The following ADAMTS17 variants were observed in gnomAD, a reference collection of about 807,000 sequenced individuals.
ADAMTS17 encodes ADAM metallopeptidase with thrombospondin type 1 motif 17.
A neutral mutation model predicts 141.5 loss-of-function variants in ADAMTS17; 113 were observed. The ratio of observed to expected loss-of-function variants is 0.80; its 90% confidence interval spans 0.69 to 0.93. ADAMTS17 has a LOEUF of 0.93. Ranked by LOEUF, ADAMTS17 falls within the 40% of genes least tolerant of loss-of-function variation. The pLI, the probability that ADAMTS17 is intolerant of heterozygous loss-of-function variation, is 0.00. For synonymous variants in ADAMTS17, 768 were observed against 630.6 expected (o/e 1.22, Z -3.27); for missense variants, 1,659 against 1,517.9 (o/e 1.09, Z -1.54).
At chr15:100,113,298 CTGAAAACTCTAAG>C (rs1460791919) in intron 13 of ADAMTS17, among the ~76,000 whole-genome samples, 1 of 152,168 alleles carries the variant, frequency 6.6e-6, no homozygotes, top group Non-Finnish European at 1.5e-5. Flanking sequence ...TCAAAAAGCT[CTGAAAACTCTAAG>C]TGTTCTCTTC....
At chr15:100,266,371 G>A (rs914452145) in intron 4 of ADAMTS17, among the ~76,000 whole-genome samples, 2 of 152,230 alleles carry the variant, frequency 1.3e-5, no homozygotes, top group African/African-American at 2.4e-5. Context: ...CGCCTGGCCC[G>A]ATGGAGCCTT....
intron 15 of ADAMTS17, among the ~76,000 whole-genome samples, chr15:100,086,055 C>T (rs13379541): frequency 0.47 from 69,253 of 147,768 alleles, 17,306 homozygotes; most frequent in African/African-American, 0.64. Flanking sequence ...GACTAGCAAA[C>T]TGGATAAAGA....
At chr15:100,018,300 C>T (rs1485274144) in intron 18 of ADAMTS17, among the ~76,000 whole-genome samples, 1 of 151,906 alleles carries the variant, frequency 6.6e-6, no homozygotes, top group Non-Finnish European at 1.5e-5. Flanking sequence ...ATTGCCTAAT[C>T]AGATAATGGG....
At chr15:100,264,796 C>T (rs1032395023) in intron 4 of ADAMTS17, among the ~76,000 whole-genome samples, 3 of 151,794 alleles carry the variant, frequency 2.0e-5, no homozygotes, top group Non-Finnish European at 2.9e-5. Flanking sequence ...GGGAAAGTTT[C>T]GTGTTCCAGG....
intron 7 of ADAMTS17, among the ~76,000 whole-genome samples, chr15:100,212,237 G>T (rs887886988): frequency 3.9e-5 from 6 of 152,192 alleles, no homozygotes; most frequent in South Asian, 2.1e-4. Context: ...AACCCAGCCA[G>T]TCTGGCTGCA....
intron 10 of ADAMTS17, among the ~76,000 whole-genome samples, chr15:100,149,322 G>A (rs76579355): frequency 0.016 from 2,368 of 152,346 alleles, 64 homozygotes; most frequent in African/African-American, 0.053. Flanking sequence ...CCAAAAGAGC[G>A]TGAGTGTGTT....
intron 4 of ADAMTS17, among the ~76,000 whole-genome samples, chr15:100,267,668 TG>T (rs1596399977): frequency 1.3e-5 from 2 of 149,146 alleles, no homozygotes; most frequent in African/African-American, 4.9e-5. Context: ...CCTCAGCCCT[TG>T]CCCCCCTCCC....
rs758794897 is a variant in ADAMTS17 at position 100,254,188 on chromosome 15, T to C, written c.1032-9A>G. ...GTACACAGAAATCTGTCCTAAAAAA[T>C]AAAAAAGCCATCATCAGGTATATGC... On this transcript the variant is annotated splice_polypyrimidine_tract_variant and intron_variant, in intron 6 of 21. Coordinates refer to ENST00000268070, the MANE Select transcript of ADAMTS17 (RefSeq NM_139057.4). 9.3e-6 allele frequency: 15 copies of C among 1,612,662 alleles called. No homozygotes were observed. The African/African-American group carries it at 1.5e-4, about 16-fold the overall frequency.
intron 5 of ADAMTS17, among the ~76,000 whole-genome samples, 171 bp downstream of exon 5, chr15:100,262,181 T>A (rs1304623418): frequency 1.3e-5 from 2 of 151,922 alleles, no homozygotes; most frequent in African/African-American, 4.8e-5. Flanking sequence ...CAGCCCCCCC[T>A]CACACCATGC....
At chr15:100,033,123 A>G (rs767199256) in intron 18 of ADAMTS17, among the ~76,000 whole-genome samples, 6 of 152,186 alleles carry the variant, frequency 3.9e-5, no homozygotes, top group Non-Finnish European at 8.8e-5. Flanking sequence ...GGCCCAGTGA[A>G]CAGGGTTGAA....
chr15:100,170,665 T>C (rs1265521214), intron 8 of ADAMTS17, among the ~76,000 whole-genome samples: 1 of 152,232 alleles, frequency 6.6e-6, no homozygotes, highest in Non-Finnish European at 1.5e-5. Context: ...ATTGGTTTTC[T>C]ATCAGCCTGT....
At chr15:100,262,467 A>G (rs781567065) in intron 4 of ADAMTS17, 32 bp from the exon 5 acceptor site, 3 of 1,581,266 alleles carry the variant, frequency 1.9e-6, no homozygotes, top group Non-Finnish European at 2.6e-6. Context: ...ATAAAGATAT[A>G]AAGATAAAAA....
rs375915014 is a variant in ADAMTS17 at position 100,159,521 on chromosome 15, G to C, written c.1182-4201C>G. ...CTTTCTTTAAATAAAACTGGTGAGAGAGTTTTTAAATGAGCAGGTCTTCTG... is the reference window on the plus strand; with the variant it reads ...CTTTCTTTAAATAAAACTGGTGAGACAGTTTTTAAATGAGCAGGTCTTCTG... On this transcript the variant is annotated intron_variant, in intron 8 of 21. Transcript: ENST00000268070. 2.6e-5 allele frequency among the ~76,000 whole-genome samples: 4 copies of C among 152,350 alleles called. No individual in the cohort carries two copies. The South Asian group carries it at 8.3e-4, about 32-fold the overall frequency.
chr15:100,167,592 A>G (rs1178023235), intron 8 of ADAMTS17, among the ~76,000 whole-genome samples: 1 of 152,128 alleles, frequency 6.6e-6, no homozygotes, highest in Non-Finnish European at 1.5e-5. Context: ...CTGGAGAGCA[A>G]ATGTGACCTC....
At chr15:100,198,473 A>C (rs532563762) in intron 8 of ADAMTS17, among the ~76,000 whole-genome samples, 2 of 152,342 alleles carry the variant, frequency 1.3e-5, no homozygotes, top group South Asian at 2.1e-4. Context: ...TTTTCCCCCA[A>C]GAACTAGATT....
chr15:100,155,052 C>A, intron 9 of ADAMTS17, 128 bp downstream of exon 9: 1 of 1,428,224 alleles, frequency 7.0e-7, no homozygotes, highest in South Asian at 1.2e-5. Flanking sequence ...CTGACCGCCT[C>A]CTGAGGCTAG....
intron 4 of ADAMTS17, among the ~76,000 whole-genome samples, chr15:100,280,652 A>G (rs1313158100): frequency 6.6e-6 from 1 of 152,030 alleles, no homozygotes; most frequent in African/African-American, 2.4e-5. Context: ...GTCCTTAAAA[A>G]CACCTGGGAA....
intron 3 of ADAMTS17, among the ~76,000 whole-genome samples, chr15:100,314,368 A>G (rs6598326): frequency 0.7 from 106,131 of 152,136 alleles, 37,930 homozygotes; most frequent in African/African-American, 0.85. Flanking sequence ...CTTACGTTAA[A>G]TAAGGGTTCT....
chr15:100,132,170 G>A lies in ADAMTS17; in HGVS notation c.1576-18C>T, dbSNP rs1465589861. Reference sequence around the variant, plus strand: ...CGGCACCACTGAAACACAGCGGGGAGGGTCGGGGCCCAGGCACTCAGCAGA... The same window carrying A: ...CGGCACCACTGAAACACAGCGGGGAAGGTCGGGGCCCAGGCACTCAGCAGA... On this transcript the variant is annotated intron_variant, in intron 11 of 21. Coordinates refer to ENST00000268070, the MANE Select transcript of ADAMTS17 (RefSeq NM_139057.4). The A allele has an allele frequency of 4.3e-6, 7 of 1,611,506 alleles. No individual in the cohort carries two copies. Among genetic ancestry groups the A allele is most frequent in the Non-Finnish European group, 5.9e-6 (7 of 1,179,384 alleles).
Sources: gnomAD v4.1 joint callset for allele counts (sites outside exome capture counted in the v4.1 genomes callset) on GRCh38, gnomAD v4.1.1 for gene constraint, MANE v1.5 for transcripts, NCBI Gene and HGNC (gene_info 2026-07-23, HGNC 2026-07-21) for gene names.